Variants in ALDH7A1 observed in about 807,000 individuals in gnomAD.
The protein encoded by ALDH7A1 is aldehyde dehydrogenase 7 family member A1.
ALDH7A1 carries 63 observed loss-of-function variants against 79.9 expected under a neutral mutation model. That is an observed-to-expected ratio of 0.79 (90% CI 0.64 to 0.97). The LOEUF (loss-of-function observed/expected upper bound fraction) is 0.97, where lower values mean the gene tolerates loss of function less well. Among genes scored for constraint, ALDH7A1 ranks in the 50% least tolerant of loss-of-function variants. The pLI is 0.00. For missense variants in ALDH7A1, 627 were observed against 665.2 expected (o/e 0.94, Z 0.63); for synonymous variants, 240 against 231.2 (o/e 1.04, Z -0.34).
Position 126,568,302 on chromosome 5 carries a change from A to C in ALDH7A1, c.828T>G (p.Thr276=). 1.2e-6 allele frequency: 2 copies of C among 1,614,126 alleles called. No homozygotes were observed. The highest frequency in any genetic ancestry group is 1.7e-6 in the Non-Finnish European group (2 of 1,180,010). Reference sequence around the variant, plus strand: ...TCAGGCCCACCTGTTTTCCCACCTGAGTGCTCCCAGTGAAGGACAGCAGGT... The same window carrying C: ...TCAGGCCCACCTGTTTTCCCACCTGCGTGCTCCCAGTGAAGGACAGCAGGT... ...RVNLLSFTGS[T]QVGKQVGLMV... The change falls in exon 9 of 18, where the codon ACT becomes ACG. Residue 276 remains threonine (T), a synonymous_variant. Transcript: ENST00000409134.
In ALDH7A1 at chr5:126,592,802, T is replaced by C. The variant is rs777073310; in HGVS notation, c.247-73A>G. On this transcript the variant is annotated intron_variant, in intron 2 of 17. Coordinates refer to ENST00000409134, the MANE Select transcript of ALDH7A1 (RefSeq NM_001182.5). ...ATGATGATCTTCTAGAACACAAAAA[T>C]ATTTTCAGAAAAGAGTTGGGAAATC... 3.5e-6 allele frequency: 5 copies of C among 1,441,958 alleles called. No homozygotes were observed. In the Admixed American group the frequency reaches 5.1e-5, roughly 15 times the overall value. The allele number at this position is 1,441,958 out of a possible 1,614,324, so 89.3% of individuals were successfully genotyped here.
At chr5:126,565,742 T>C (rs1242546152) in intron 9 of ALDH7A1, among the ~76,000 whole-genome samples, 1 of 152,254 alleles carries the variant, frequency 6.6e-6, no homozygotes, top group African/African-American at 2.4e-5. Context: ...AGGTCTTTGA[T>C]ACATTTGGAG....
chr5:126,567,013 C>T (rs960522881), intron 9 of ALDH7A1, among the ~76,000 whole-genome samples: 2 of 152,210 alleles, frequency 1.3e-5, no homozygotes, highest in African/African-American at 4.8e-5. Flanking sequence ...AAGACTTGTG[C>T]TCCTAAATAT....
intron 17 of ALDH7A1, among the ~76,000 whole-genome samples, chr5:126,546,011 G>A (rs1169729622): frequency 1.3e-5 from 2 of 151,752 alleles, no homozygotes; most frequent in Non-Finnish European, 2.9e-5. Context: ...ACTTTGGGAG[G>A]CCAAGGCGGG....
chr5:126,551,467 G>A (rs553263931), intron 14 of ALDH7A1, among the ~76,000 whole-genome samples: 7 of 152,008 alleles, frequency 4.6e-5, no homozygotes, highest in Non-Finnish European at 7.4e-5. Flanking sequence ...GATTACAGGC[G>A]CCCAACACCA....
intron 9 of ALDH7A1, among the ~76,000 whole-genome samples, chr5:126,562,799 G>A (rs958642177): frequency 4.6e-5 from 7 of 152,180 alleles, no homozygotes; most frequent in Non-Finnish European, 1.0e-4. Flanking sequence ...AGTGAACTGA[G>A]ATTGCACCAC....
At chr5:126,580,397 T>C (rs555775409) in intron 5 of ALDH7A1, among the ~76,000 whole-genome samples, 1 of 152,038 alleles carries the variant, frequency 6.6e-6, no homozygotes, top group Non-Finnish European at 1.5e-5. Flanking sequence ...ACGGTGGGCC[T>C]ATTAACTTTT....
At chr5:126,555,903 C>G in intron 12 of ALDH7A1, 28 bp downstream of exon 12, 1 of 1,555,666 alleles carries the variant, frequency 6.4e-7, no homozygotes, top group Non-Finnish European at 8.9e-7. Flanking sequence ...AAAAAGGGAT[C>G]GCTTTGAAAG....
At chr5:126,545,735 T>C (rs1164766151) in intron 17 of ALDH7A1, among the ~76,000 whole-genome samples, 1 of 149,880 alleles carries the variant, frequency 6.7e-6, no homozygotes, top group Non-Finnish European at 1.5e-5. Context: ...GAGGCTGCAG[T>C]GAGCTGAGAT....
intron 9 of ALDH7A1, 189 bp downstream of exon 9, chr5:126,568,070 G>T: frequency 1.8e-6 from 1 of 567,848 alleles, no homozygotes; most frequent in Non-Finnish European, 3.1e-6. Flanking sequence ...ATAAATTTTG[G>T]TATTTAAATT....
chr5:126,559,218 G>T, intron 11 of ALDH7A1, 22 bp downstream of exon 11: 13 of 1,598,618 alleles, frequency 8.1e-6, no homozygotes, highest in Non-Finnish European at 1.1e-5. Context: ...CAAGACAATC[G>T]GGCCTATGCA....
chr5:126,574,304 G>A (rs1750888974), intron 7 of ALDH7A1, among the ~76,000 whole-genome samples: 1 of 151,992 alleles, frequency 6.6e-6, no homozygotes, highest in South Asian at 2.1e-4. Context: ...GGAGGCTGAG[G>A]CAGGAGAATC....
chr5:126,593,773 C>G (rs1012465124), intron 1 of ALDH7A1: 4 of 343,498 alleles, frequency 1.2e-5, no homozygotes, highest in Non-Finnish European at 2.2e-5. Context: ...ATGAAATGGC[C>G]AAGGCAGGAA....
intron 3 of ALDH7A1, among the ~76,000 whole-genome samples, chr5:126,590,385 T>C (rs1306154032): frequency 6.6e-6 from 1 of 152,200 alleles, no homozygotes; most frequent in Non-Finnish European, 1.5e-5. Flanking sequence ...AAGTTTTAAA[T>C]TGGAGAATAT....
At chr5:126,589,686 C>A (rs1191585455) in intron 3 of ALDH7A1, among the ~76,000 whole-genome samples, 3 of 150,704 alleles carry the variant, frequency 2.0e-5, no homozygotes, top group Admixed American at 6.6e-5. Context: ...CAGCCACCGC[C>A]CCATCTGGGA....
intron 14 of ALDH7A1, 81 bp from the exon 15 acceptor site, chr5:126,550,374 G>C (rs1749952652): frequency 9.5e-7 from 1 of 1,052,960 alleles, no homozygotes; most frequent in African/African-American, 1.6e-5. Flanking sequence ...ATTTCCTGAA[G>C]TGTACCAGTA....
chr5:126,548,851 G>C (rs1308977854), intron 16 of ALDH7A1, among the ~76,000 whole-genome samples: 13 of 143,128 alleles, frequency 9.1e-5, no homozygotes, highest in Non-Finnish European at 1.9e-4. Context: ...CTTGAGCCCA[G>C]GAATTTAAGA....
chr5:126,555,202 G>C (rs544913205), intron 12 of ALDH7A1: 1 of 153,782 alleles, frequency 6.5e-6, no homozygotes, highest in Non-Finnish European at 1.4e-5. Context: ...CTAAAAGCAG[G>C]CCTGGCGCAA....
intron 16 of ALDH7A1, among the ~76,000 whole-genome samples, chr5:126,548,655 G>A (rs2112749938): frequency 6.6e-6 from 1 of 152,112 alleles, no homozygotes; most frequent in East Asian, 1.9e-4. Context: ...TTGAACTCCT[G>A]AGCTCAAGCG....
Sources: gnomAD v4.1 joint callset for allele counts (sites outside exome capture counted in the v4.1 genomes callset) on GRCh38, gnomAD v4.1.1 for gene constraint, MANE v1.5 for transcripts, NCBI Gene and HGNC (gene_info 2026-07-23, HGNC 2026-07-21) for gene names.